Variants in YTHDC2 observed in about 807,000 individuals in gnomAD.
The protein encoded by YTHDC2 is YTH N6-methyladenosine RNA binding protein C2, also known as 3'-5' RNA helicase YTHDC2.
YTHDC2 carries 45 observed loss-of-function variants against 174.9 expected under a neutral mutation model. The observed-to-expected ratio is 0.26, with a 90% CI of 0.20 to 0.33. YTHDC2 has a LOEUF of 0.33. YTHDC2 is among the 10% of genes least tolerant of loss of function. The pLI, the probability that YTHDC2 is intolerant of heterozygous loss-of-function variation, is 1.00. For synonymous variants in YTHDC2, 657 were observed against 574.5 expected (o/e 1.14, Z -2.05); for missense variants, 1,650 against 1,723.7 (o/e 0.96, Z 0.76).
In YTHDC2 at chr5:113,515,253, T is replaced by C; in HGVS notation, c.188-19T>C. ...TTGCCTATCTACAAATTTTACTACT[T>C]TGTTTTTTTTCCGTGTAGAAATGGA... On this transcript the variant is annotated intron_variant, in intron 1 of 29. Coordinates refer to ENST00000161863, the MANE Select transcript of YTHDC2 (RefSeq NM_022828.5). 3.8e-6 allele frequency: 6 copies of C among 1,590,312 alleles called. No individual in the cohort carries two copies. The highest frequency in any genetic ancestry group is 4.3e-6 in the Non-Finnish European group (5 of 1,172,070).
At chr5:113,517,574 A>G (rs1561616233) in intron 2 of YTHDC2, 1 of 456,316 alleles carries the variant, frequency 2.2e-6, no homozygotes, top group Non-Finnish European at 4.4e-6. Context: ...AGCCAGAGAA[A>G]GAAGAAAAAG....
chr5:113,524,173 G>A (rs1006553137), intron 2 of YTHDC2, among the ~76,000 whole-genome samples: 1 of 152,078 alleles, frequency 6.6e-6, no homozygotes, highest in African/African-American at 2.4e-5. Context: ...AGGTCTGTGT[G>A]CCTTTGGAGC....
At chr5:113,550,442 A>G (rs12660001) in intron 12 of YTHDC2, among the ~76,000 whole-genome samples, 47,293 of 152,014 alleles carry the variant, frequency 0.31, 9,531 homozygotes, top group African/African-American at 0.56. Flanking sequence ...AGGTATAATC[A>G]TAGTATATTA....
At chr5:113,579,955 T>C (rs1778299523) in intron 24 of YTHDC2, 1 of 979,642 alleles carries the variant, frequency 1.0e-6, no homozygotes, top group Admixed American at 6.2e-5. Context: ...TAGTAATTTA[T>C]AAAGAACAGA....
intron 7 of YTHDC2, 42 bp downstream of exon 7, chr5:113,535,840 G>A: frequency 6.7e-7 from 1 of 1,484,068 alleles, no homozygotes; most frequent in Non-Finnish European, 9.1e-7. Flanking sequence ...TTTTATGAAA[G>A]AACACTTTTG....
intron 20 of YTHDC2, 51 bp downstream of exon 20, chr5:113,564,182 T>C: frequency 6.7e-7 from 1 of 1,486,546 alleles, no homozygotes; most frequent in Non-Finnish European, 9.0e-7. Flanking sequence ...TAAACACGTT[T>C]CTGGGGCAAA....
chr5:113,526,768 T>A lies in YTHDC2; in HGVS notation c.658T>A (p.Ser220Thr). The A allele has an allele frequency of 6.7e-7, 1 of 1,494,306 alleles. No individual in the cohort carries two copies. The highest frequency in any genetic ancestry group is 1.9e-5 in the Admixed American group (1 of 51,360). The allele number at this position is 1,494,306 out of a possible 1,614,324, so 92.6% of individuals were successfully genotyped here. A position where few individuals can be genotyped will look rare whatever the true frequency, so the allele number is the denominator to read the frequency against. The change falls in exon 4 of 30, where the codon TCT (serine) becomes ACT (threonine). Residue 220 changes from serine to threonine, a missense_variant. By Grantham distance (58) the Ser-to-Thr change is moderately conservative (BLOSUM62 1). This residue lies in a region of YTHDC2 where 304 missense variants were observed against 341.4 expected (regional missense o/e 0.89). Transcript: ENST00000161863. ...KVVLIVGETG[S>T]GKTTQIPQFL... ...AGTTTTGATTGTAGGAGAAACTGGG[T>A]CTGGAAAGACCACACAGGTTTGTTT...
At chr5:113,577,055 T>C (rs1778102029) in intron 23 of YTHDC2, among the ~76,000 whole-genome samples, 2 of 152,164 alleles carry the variant, frequency 1.3e-5, no homozygotes, top group Admixed American at 1.3e-4. Flanking sequence ...TTTCCCCTCA[T>C]CTGTACAATT....
intron 24 of YTHDC2, among the ~76,000 whole-genome samples, chr5:113,580,424 G>A (rs910919562): frequency 1.3e-5 from 2 of 152,150 alleles, no homozygotes. Context: ...TTGGGGGTTT[G>A]AGGGAGGATG....
Position 113,563,861 on chromosome 5 carries a change from A to G in YTHDC2, c.2445A>G (p.Thr815=). 6.2e-7 allele frequency: 1 copy of G among 1,614,160 alleles called. No homozygotes were observed. The highest frequency in any genetic ancestry group is 8.5e-7 in the Non-Finnish European group (1 of 1,180,014). Residue 815 remains threonine, a splice_region_variant and synonymous_variant, in exon 20 of 30, where the codon ACA becomes ACG. Coordinates refer to ENST00000161863, the MANE Select transcript of YTHDC2 (RefSeq NM_022828.5). ...CTGTTCTGTCTCCTTTTACTTAGAC[A>G]ATAGATGCAATGGATACATGGGAAG... is the stretch of plus-strand genomic sequence containing the variant. ...IVRNAVQMLK[T]IDAMDTWEDL... is the part of the protein sequence containing the mutation.
intron 10 of YTHDC2, among the ~76,000 whole-genome samples, chr5:113,547,424 C>T (rs996867200): frequency 6.6e-6 from 1 of 152,080 alleles, no homozygotes; most frequent in African/African-American, 2.4e-5. Context: ...AATAAAAATA[C>T]ATGCCATTAT....
At chr5:113,540,849 C>G (rs769417040) in intron 8 of YTHDC2, 119 bp from the exon 9 acceptor site, 33 of 877,954 alleles carry the variant, frequency 3.8e-5, no homozygotes, top group Non-Finnish European at 4.7e-5. Context: ...TTAAAAGTAA[C>G]TACAGAATAA....
chr5:113,553,491 T>C (rs1217919082), intron 13 of YTHDC2, 99 bp from the exon 14 acceptor site: 16 of 1,452,144 alleles, frequency 1.1e-5, no homozygotes, highest in South Asian at 3.8e-5. Context: ...TATGATAGTT[T>C]ACCAGTACTT....
intron 8 of YTHDC2, 99 bp from the exon 9 acceptor site, chr5:113,540,869 T>C: frequency 1.7e-6 from 2 of 1,189,308 alleles, no homozygotes; most frequent in Non-Finnish European, 2.3e-6. Flanking sequence ...AGACCAACTT[T>C]TAAGAGATAC....
chr5:113,588,336 A>G (rs926377488), intron 26 of YTHDC2, among the ~76,000 whole-genome samples: 3 of 151,928 alleles, frequency 2.0e-5, no homozygotes, highest in African/African-American at 4.8e-5. Flanking sequence ...TGATTTTCTT[A>G]TGTTTATACC....
intron 10 of YTHDC2, among the ~76,000 whole-genome samples, chr5:113,544,698 T>G (rs1186294448): frequency 6.5e-5 from 5 of 77,500 alleles, no homozygotes; most frequent in African/African-American, 5.0e-4. Context: ...AATTTTTTGT[T>G]TTTTTTTTGG....
In YTHDC2 at chr5:113,584,499, A is replaced by G; in HGVS notation, c.3825+20A>G. The stretch of plus-strand genomic sequence containing the variant: ...GGAAAGGTAAGAGTATCTGAAAGAA[A>G]ATGTAGTAAGGAACAGATTTGTAGC... On this transcript the variant is annotated intron_variant, in intron 26 of 29. Coordinates refer to ENST00000161863, the MANE Select transcript of YTHDC2 (RefSeq NM_022828.5). The G allele has an allele frequency of 6.3e-7, 1 of 1,582,376 alleles. No individual in the cohort carries two copies. Among genetic ancestry groups the G allele is most frequent in the Non-Finnish European group, 8.6e-7 (1 of 1,160,698 alleles).
intron 26 of YTHDC2, among the ~76,000 whole-genome samples, chr5:113,587,502 A>ATATATT (rs1778752266): frequency 7.6e-6 from 1 of 132,342 alleles, no homozygotes; most frequent in Non-Finnish European, 1.6e-5. Flanking sequence ...TAATATATAT[A>ATATATT]ATGTATTTAT....
intron 18 of YTHDC2, 41 bp from the exon 19 acceptor site, chr5:113,563,332 C>A (rs1456692262): frequency 6.6e-7 from 1 of 1,523,694 alleles, no homozygotes; most frequent in Non-Finnish European, 8.9e-7. Context: ...GGTTAGTATT[C>A]TTTTTAATTT....
Sources: gnomAD v4.1 joint callset for allele counts (sites outside exome capture counted in the v4.1 genomes callset) on GRCh38, gnomAD v4.1.1 for gene constraint, gnomAD v4.1.1 regional missense constraint, MANE v1.5 for transcripts, NCBI Gene and HGNC (gene_info 2026-07-23, HGNC 2026-07-21) for gene names.